Variants in SEC14L5 observed in about 807,000 individuals in gnomAD.
SEC14L5 encodes the protein SEC14 like lipid binding 5.
Under a neutral mutation model 84.6 loss-of-function variants are expected in SEC14L5, and 96 were observed. The ratio of observed to expected loss-of-function variants is 1.13; its 90% confidence interval spans 0.96 to 1.34. The LOEUF is 1.34. SEC14L5 is among the 40% of genes most tolerant of loss of function. SEC14L5 has a pLI of 0.00. For synonymous variants in SEC14L5, 546 were observed against 383.4 expected, an observed-to-expected ratio of 1.42 and a Z score of -4.95; for missense variants, 1,224 against 942.5, an observed-to-expected ratio of 1.30 and a Z score of -3.91.
intron 2 of SEC14L5, among the ~76,000 whole-genome samples, chr16:4,987,226 G>T (rs571676894): frequency 7.8e-4 from 116 of 148,742 alleles, no homozygotes; most frequent in African/African-American, 2.7e-3. Flanking sequence ...TATCATGAAG[G>T]GGTGTTGGAT....
rs1291112228 is a variant in SEC14L5 at position 4,993,207 on chromosome 16, G to C, written c.667+1177G>C. On this transcript the variant is annotated intron_variant, in intron 6 of 15. Coordinates refer to ENST00000251170, the MANE Select transcript of SEC14L5 (RefSeq NM_014692.2). ...ATATAGGCACAGGCCACCATGTCTA[G>C]ATAATTTATTTTTACTTTTATTTTA... Among the ~76,000 whole-genome samples the C allele has an allele frequency of 2.0e-5, 3 of 151,886 alleles. No individual in the cohort carries two copies. In the East Asian group the frequency reaches 5.8e-4, roughly 29 times the overall value.
chr16:4,981,312 A>G (rs1383213762), intron 2 of SEC14L5, among the ~76,000 whole-genome samples: 3 of 121,582 alleles, frequency 2.5e-5, no homozygotes, highest in African/African-American at 9.5e-5. Flanking sequence ...GGGTTTCACC[A>G]TATTGGCCAG....
intron 2 of SEC14L5, among the ~76,000 whole-genome samples, chr16:4,970,659 G>C (rs1394662043): frequency 6.6e-6 from 1 of 152,206 alleles, no homozygotes; most frequent in East Asian, 1.9e-4. Flanking sequence ...ACACGTGAGT[G>C]AGACTCTGCA....
At position 5,018,976 on chromosome 16, in the gene SEC14L5, C is replaced by T. The variant is rs1955904127; in HGVS notation, c.*4006C>T. The stretch of plus-strand genomic sequence containing the variant: ...ATTAAATGTTTTCCATTTGGATAAA[C>T]TTGCATCGTCAGCTTCCTAAAACCC... On this transcript the variant is annotated 3_prime_UTR_variant, in exon 16 of 16. Transcript: ENST00000251170. 1 of 152,162 alleles carries T rather than the reference C, an allele frequency of 6.6e-6. No individual in the cohort carries two copies. The highest frequency in any genetic ancestry group is 1.5e-5 in the Non-Finnish European group (1 of 68,044). 9.4% of individuals were successfully genotyped at this position (152,162 alleles called of 1,614,324 possible). A position where few individuals can be genotyped will look rare whatever the true frequency, so the allele number is the denominator to read the frequency against.
chr16:4,981,290 T>TTTTTTG, intron 2 of SEC14L5, among the ~76,000 whole-genome samples: 1 of 131,980 alleles, frequency 7.6e-6, no homozygotes, highest in Non-Finnish European at 1.6e-5. Context: ...TTTTGTATTT[T>TTTTTTG]TAGAAGAGAT....
chr16:4,968,381 A>G (rs1369254809), intron 2 of SEC14L5, among the ~76,000 whole-genome samples: 2 of 151,834 alleles, frequency 1.3e-5, no homozygotes, highest in East Asian at 1.9e-4. Context: ...GTTTCTCCAT[A>G]TTGGTCAGGC....
intron 8 of SEC14L5, 35 bp from the exon 9 acceptor site, chr16:5,000,620 C>A: frequency 3.4e-6 from 5 of 1,490,466 alleles, no homozygotes; most frequent in Non-Finnish European, 4.6e-6. Flanking sequence ...CTCTAAATAA[C>A]GGGCTCTTCT....
At chr16:4,967,964 C>T (rs377574190) in intron 2 of SEC14L5, among the ~76,000 whole-genome samples, 135 of 121,332 alleles carry the variant, frequency 1.1e-3, no homozygotes, top group African/African-American at 3.7e-3. Context: ...CCTCCCCCTT[C>T]CCCTCCCTTC....
At chr16:4,988,060 G>C (rs1310351946) in intron 3 of SEC14L5, 89 bp from the exon 4 acceptor site, 1 of 1,424,316 alleles carries the variant, frequency 7.0e-7, no homozygotes, top group Non-Finnish European at 9.7e-7. Context: ...GGCAGGGGGT[G>C]ACTGGGGCAG....
rs1320394069 is a variant in SEC14L5 at position 5,011,239 on chromosome 16, T to C, written c.1945T>C (p.Tyr649His). Residue 649 changes from tyrosine (Y) to histidine (H), a missense_variant, in exon 15 of 16, where the codon TAC (tyrosine) becomes CAC (histidine). Physicochemically the swap from Tyr to His is moderately conservative, Grantham distance 83 (BLOSUM62 2). Coordinates refer to ENST00000251170, the MANE Select transcript of SEC14L5 (RefSeq NM_014692.2). Reference protein sequence around the residue: ...HSPGPKCKLLYYCEVLASEDF... With the variant: ...HSPGPKCKLLHYCEVLASEDF... ...CCCCGGGCCCAAGTGCAAACTTCTC[T>C]ACTACTGTGAGGTGCTCGCCTCTGA... 2 of 1,613,840 alleles carry C rather than the reference T, an allele frequency of 1.2e-6. No homozygotes were observed. The highest frequency in any genetic ancestry group is 1.7e-5 in the Admixed American group (1 of 60,016).
intron 11 of SEC14L5, 52 bp downstream of exon 11, chr16:5,003,625 A>ACCG: frequency 2.7e-6 from 1 of 374,580 alleles, no homozygotes; most frequent in Non-Finnish European, 5.3e-6. Context: ...GTGGGATGGG[A>ACCG]GGGGTTCCGT....
In SEC14L5 at chr16:4,987,615, T is replaced by C. The variant is rs1448531511; in HGVS notation, c.122T>C (p.Val41Ala). Residue 41 changes from valine (V) to alanine (A), a missense_variant, in exon 3 of 16, where the codon GTC becomes GCC. Physicochemically the swap from Val to Ala is moderately conservative, Grantham distance 64 (BLOSUM62 0). Transcript: ENST00000251170. ...PQIPVFLGSE[V>A]LRESRSPDGA... is the part of the protein sequence containing the mutation. ...ATCCCAGTCTTCCTGGGCAGCGAGGTCTTGCGCGAGTCCCGCAGCCCGGAC... is the reference window on the plus strand; with the variant it reads ...ATCCCAGTCTTCCTGGGCAGCGAGGCCTTGCGCGAGTCCCGCAGCCCGGAC... 2 of 1,558,806 alleles carry C rather than the reference T, an allele frequency of 1.3e-6. No individual in the cohort carries two copies. The highest frequency in any genetic ancestry group is 1.7e-6 in the Non-Finnish European group (2 of 1,152,550).
intron 10 of SEC14L5, among the ~76,000 whole-genome samples, chr16:5,002,141 C>A (rs1213023527): frequency 6.6e-6 from 1 of 152,188 alleles, no homozygotes; most frequent in South Asian, 2.1e-4. Context: ...ACGGATCTTG[C>A]ACTTGCTATG....
chr16:4,973,476 G>A (rs1333257481), intron 2 of SEC14L5, among the ~76,000 whole-genome samples: 2 of 141,718 alleles, frequency 1.4e-5, no homozygotes, highest in East Asian at 4.0e-4. Context: ...GCTGCCATTG[G>A]ATGGCTGATG....
rs531737956 is a variant in SEC14L5 at position 4,985,546 on chromosome 16, A to G, written c.64-2011A>G. On this transcript the variant is annotated intron_variant, in intron 2 of 15. Coordinates refer to ENST00000251170, the MANE Select transcript of SEC14L5 (RefSeq NM_014692.2). ...CCCGGCTCCAACTTCATTCTGTTGC[A>G]TGTGTATATCCAATTGTCCCGGCAC... Among the ~76,000 whole-genome samples, 309 of 152,248 alleles carry G rather than the reference A, an allele frequency of 2.0e-3. 2 individuals are homozygous for G. The highest frequency in any genetic ancestry group is 6.8e-3 in the African/African-American group (282 of 41,568).
At chr16:5,007,710 A>G (rs371883909) in intron 13 of SEC14L5, among the ~76,000 whole-genome samples, 1 of 150,210 alleles carries the variant, frequency 6.7e-6, no homozygotes, top group South Asian at 2.1e-4. Context: ...GGTTCAAGCA[A>G]TTCTCATGCC....
intron 6 of SEC14L5, among the ~76,000 whole-genome samples, chr16:4,993,983 T>TA (rs71402578): frequency 6.8e-6 from 1 of 147,968 alleles, no homozygotes; most frequent in Non-Finnish European, 1.5e-5. Context: ...TTTTTTTTTT[T>TA]AATAATACAT....
At chr16:5,007,563 C>T (rs1194166370) in intron 13 of SEC14L5, 77 bp downstream of exon 13, 2 of 1,176,174 alleles carry the variant, frequency 1.7e-6, no homozygotes, top group African/African-American at 1.6e-5. Context: ...CAAAACACAG[C>T]TTGAGATGAG....
At chr16:4,970,267 G>T (rs944030429) in intron 2 of SEC14L5, among the ~76,000 whole-genome samples, 29 of 152,228 alleles carry the variant, frequency 1.9e-4, no homozygotes, top group African/African-American at 7.0e-4. Context: ...GAGGCCATAG[G>T]AGGGTCATTT....
Sources: gnomAD v4.1 joint callset for allele counts (sites outside exome capture counted in the v4.1 genomes callset) on GRCh38, gnomAD v4.1.1 for gene constraint, MANE v1.5 for transcripts, NCBI Gene and HGNC (gene_info 2026-07-23, HGNC 2026-07-21) for gene names.